The following NAALADL2 variants were observed in gnomAD, a reference collection of about 807,000 sequenced individuals.
NAALADL2 encodes inactive N-acetylated-alpha-linked acidic dipeptidase-like protein 2.
In NAALADL2, 76 loss-of-function variants were observed where a neutral mutation model predicts 87.2. That is an observed-to-expected ratio of 0.87 (90% CI 0.72 to 1.05). The LOEUF (loss-of-function observed/expected upper bound fraction) is 1.05. NAALADL2 is among the 50% of genes least tolerant of loss of function. The probability of loss-of-function intolerance (pLI) is 0.00; values close to 1 mark genes in which losing one functional copy is unlikely to be tolerated. For synonymous variants in NAALADL2, 354 were observed against 331.0 expected (o/e 1.07, Z -0.75); for missense variants, 1,089 against 945.8 (o/e 1.15, Z -1.99).
intron 13 of NAALADL2, among the ~76,000 whole-genome samples, chr3:175,763,326 G>T (rs528986864): frequency 1.3e-4 from 20 of 152,090 alleles, no homozygotes; most frequent in South Asian, 8.3e-4. Flanking sequence ...CAACCATTTT[G>T]TGGTTGAAAT....
chr3:174,826,238 G>A (rs1174393185), intron 3 of NAALADL2, among the ~76,000 whole-genome samples: 2 of 152,178 alleles, frequency 1.3e-5, no homozygotes, highest in Non-Finnish European at 2.9e-5. Flanking sequence ...AAGTAACCTT[G>A]TGAGAATGTA....
intron 1 of NAALADL2, among the ~76,000 whole-genome samples, chr3:174,954,796 A>G (rs573033223): frequency 2.6e-5 from 4 of 152,186 alleles, no homozygotes; most frequent in African/African-American, 9.6e-5. Context: ...TTCTTCTGTC[A>G]GGGGAACCTA....
intron 4 of NAALADL2, among the ~76,000 whole-genome samples, chr3:175,323,728 A>T (rs1760267667): frequency 6.6e-6 from 1 of 151,668 alleles, no homozygotes; most frequent in Non-Finnish European, 1.5e-5. Flanking sequence ...GCTTATTTTA[A>T]AAGAAAAGGC....
At chr3:175,112,520 T>C (rs926705468) in intron 2 of NAALADL2, 1 of 151,682 alleles carries the variant, frequency 6.6e-6, no homozygotes, top group African/African-American at 2.4e-5. Context: ...TCCTCTGTCA[T>C]GACATTAGCT....
At chr3:175,801,767 T>A (rs983432653) in intron 13 of NAALADL2, among the ~76,000 whole-genome samples, 3 of 152,064 alleles carry the variant, frequency 2.0e-5, no homozygotes, top group African/African-American at 7.2e-5. Flanking sequence ...CTAGTTTGGG[T>A]TCGAAATAAG....
chr3:175,036,187 A>G (rs1247764143), intron 1 of NAALADL2, among the ~76,000 whole-genome samples: 1 of 152,138 alleles, frequency 6.6e-6, no homozygotes, highest in African/African-American at 2.4e-5. Context: ...TTGTATGATT[A>G]TTAACTTCGT....
intron 2 of NAALADL2, among the ~76,000 whole-genome samples, chr3:174,712,601 T>A (rs934341983): frequency 5.5e-4 from 83 of 151,754 alleles, no homozygotes; most frequent in Non-Finnish European, 1.0e-3. Context: ...GTAGCCAGGA[T>A]GGTCTCGATC....
rs547730401 is a variant in NAALADL2, at chr3:174,719,967, A to G, written c.-114-17674A>G. Among the ~76,000 whole-genome samples, 5 of 152,050 alleles carry G rather than the reference A, an allele frequency of 3.3e-5. No homozygotes were observed. In the East Asian group the frequency reaches 7.8e-4, roughly 24 times the overall value. ...CAGGCATGCGCCACCATGCCCAACT[A>G]ATTTTTGTATTTTTAGTAGAGACGG... On this transcript the variant is annotated intron_variant, in intron 2 of 3. Transcript: ENST00000434257.
chr3:175,348,686 A>G (rs1159880820), intron 5 of NAALADL2, among the ~76,000 whole-genome samples: 2 of 151,976 alleles, frequency 1.3e-5, no homozygotes, highest in Admixed American at 6.6e-5. Flanking sequence ...GACGGTCTCT[A>G]TGGTTTTTCT....
chr3:175,151,786 A>G (rs1181175451), intron 2 of NAALADL2, among the ~76,000 whole-genome samples: 15 of 152,224 alleles, frequency 9.9e-5, no homozygotes, highest in Non-Finnish European at 1.9e-4. Flanking sequence ...ATCAAAGGCT[A>G]TGGATTAAAT....
chr3:174,504,315 G>T (rs1408779260), intron 1 of NAALADL2, among the ~76,000 whole-genome samples: 1 of 152,100 alleles, frequency 6.6e-6, no homozygotes, highest in Non-Finnish European at 1.5e-5. Flanking sequence ...TTGTGGGGGA[G>T]AATAGCAATT....
rs376556308 is a variant in NAALADL2 at position 174,761,708 on chromosome 3, T to C, written c.-9+23962T>C. On this transcript the variant is annotated intron_variant, in intron 3 of 3. Coordinates refer to the NAALADL2 transcript ENST00000434257. The stretch of plus-strand genomic sequence containing the variant: ...GTATACATGTGCCATGTTGGTGTGC[T>C]GTACCCATTAACTCGTCATTTAGCA... Among the ~76,000 whole-genome samples, 27 of 152,016 alleles carry C rather than the reference T, an allele frequency of 1.8e-4. 1 individual carries two copies. The East Asian group carries it at 2.7e-3, about 15-fold the overall frequency.
At chr3:175,422,040 C>A (rs1323668858) in intron 5 of NAALADL2, among the ~76,000 whole-genome samples, 1 of 152,028 alleles carries the variant, frequency 6.6e-6, no homozygotes, top group African/African-American at 2.4e-5. Flanking sequence ...GGACACACCC[C>A]ATCATAGGCT....
intron 1 of NAALADL2, among the ~76,000 whole-genome samples, chr3:174,512,490 T>G (rs1719664447): frequency 6.6e-6 from 1 of 152,320 alleles, no homozygotes; most frequent in Middle Eastern, 3.4e-3. Context: ...TTGTTTGCTC[T>G]ACAATTTTCC....
At chr3:174,954,774 G>A (rs1240397287) in intron 1 of NAALADL2, among the ~76,000 whole-genome samples, 5 of 152,042 alleles carry the variant, frequency 3.3e-5, no homozygotes, top group Non-Finnish European at 5.9e-5. Context: ...TGACCTGAGA[G>A]GTTTGCTGTT....
chr3:175,031,489 T>C (rs1752795463), intron 1 of NAALADL2, among the ~76,000 whole-genome samples: 1 of 152,144 alleles, frequency 6.6e-6, no homozygotes, highest in Non-Finnish European at 1.5e-5. Context: ...ATGGTGTATG[T>C]GTACCACATT....
At chr3:175,673,446 T>C (rs887745251) in intron 11 of NAALADL2, among the ~76,000 whole-genome samples, 6 of 152,180 alleles carry the variant, frequency 3.9e-5, no homozygotes, top group African/African-American at 1.4e-4. Context: ...TTTATGTTGA[T>C]AGATCTATGT....
At chr3:175,124,485 G>A (rs1726635384) in intron 2 of NAALADL2, 1 of 151,948 alleles carries the variant, frequency 6.6e-6, no homozygotes, top group Non-Finnish European at 1.5e-5. Context: ...GGCAACTGTA[G>A]CCACATTAAT....
At position 174,956,163 on chromosome 3, in the gene NAALADL2, TCACAA is replaced by T. The variant is rs374502860; in HGVS notation, c.43+96715_43+96719del. Among the ~76,000 whole-genome samples, 174 of 152,130 alleles carry T rather than the reference TCACAA, an allele frequency of 1.1e-3. 1 individual carries two copies. Among genetic ancestry groups the T allele is most frequent in the African/African-American group, 4.1e-3 (169 of 41,534 alleles). On this transcript the variant is annotated intron_variant, in intron 1 of 13. Transcript: ENST00000454872. Reference sequence around the variant, plus strand: ...GTCACATGAAGTCAGTTGCAGAAGATCACAACTGGATAGACAGCACTCAACAGCCA... The same window carrying T: ...GTCACATGAAGTCAGTTGCAGAAGATCTGGATAGACAGCACTCAACAGCCA...
Sources: gnomAD v4.1 joint callset for allele counts (sites outside exome capture counted in the v4.1 genomes callset) on GRCh38, gnomAD v4.1.1 for gene constraint, MANE v1.5 for transcripts, NCBI Gene and HGNC (gene_info 2026-07-23, HGNC 2026-07-21) for gene names.